The following CNIH3 variants were observed in gnomAD, a reference collection of about 807,000 sequenced individuals.
CNIH3 encodes cornichon family AMPA receptor auxiliary protein 3, also known as protein cornichon homolog 3.
A neutral mutation model predicts 24.1 loss-of-function variants in CNIH3; 14 were observed. The observed-to-expected ratio is 0.58, with a 90% CI of 0.38 to 0.91. CNIH3 has a LOEUF of 0.91. CNIH3 is among the 40% of genes least tolerant of loss of function. The pLI is 0.00. For synonymous variants in CNIH3, 68 were observed against 73.8 expected, an observed-to-expected ratio of 0.92 and a Z score of 0.40; for missense variants, 178 against 196.8, an observed-to-expected ratio of 0.90 and a Z score of 0.57.
Position 224,693,638 on chromosome 1 carries a change from C to T in CNIH3, c.198+8795C>T, listed in dbSNP as rs143244161. On this transcript the variant is annotated intron_variant, in intron 3 of 5. Transcript: ENST00000272133. ...AGAAGCAAGAGAAGAAGTGGAAATG[C>T]GCAAGCACCTTTTCAAGCTTTGGTC... Among the ~76,000 whole-genome samples, 155 of 152,304 alleles carry T rather than the reference C, an allele frequency of 1.0e-3. 1 individual carries two copies. Among genetic ancestry groups the T allele is most frequent in the African/African-American group, 3.5e-3 (147 of 41,574 alleles).
intron 1 of CNIH3, among the ~76,000 whole-genome samples, chr1:224,647,474 G>T (rs1684665944): frequency 6.6e-6 from 1 of 152,246 alleles, no homozygotes; most frequent in Admixed American, 6.5e-5. Flanking sequence ...GGGTGTCGGG[G>T]TGGAGACTGG....
At chr1:224,476,567 A>T (rs4654041) in intron 1 of CNIH3, among the ~76,000 whole-genome samples, 82,471 of 152,096 alleles carry the variant, frequency 0.54, 25,848 homozygotes, top group East Asian at 0.94. Flanking sequence ...CTGAATAGGA[A>T]ATGGGTTAAA....
At chr1:224,680,649 T>C (rs548534778) in intron 1 of CNIH3, among the ~76,000 whole-genome samples, 1 of 152,372 alleles carries the variant, frequency 6.6e-6, no homozygotes, top group South Asian at 2.1e-4. Context: ...GAAGTTTTAA[T>C]TTTTTTGTGC....
chr1:224,534,015 A>G (rs562157258), intron 2 of CNIH3, among the ~76,000 whole-genome samples: 3 of 152,266 alleles, frequency 2.0e-5, no homozygotes, highest in Admixed American at 2.0e-4. Flanking sequence ...AACTACAAAA[A>G]TTAGGTGGGC....
rs141928400 is a variant in CNIH3, at chr1:224,505,594, C to T, written n.204-10147C>T. Among the ~76,000 whole-genome samples, 20 of 152,224 alleles carry T rather than the reference C, an allele frequency of 1.3e-4. No homozygotes were observed. In the East Asian group the frequency reaches 3.1e-3, roughly 24 times the overall value. ...ACCCCTAGGGTAGGTGTAATTATCC[C>T]CATTTTACCCACAAGAAAACTAGGG... On this transcript the variant is annotated intron_variant and non_coding_transcript_variant, in intron 1 of 5. Transcript: ENST00000471578.
At chr1:224,650,933 C>T (rs953228945) in intron 1 of CNIH3, among the ~76,000 whole-genome samples, 1 of 152,060 alleles carries the variant, frequency 6.6e-6, no homozygotes, top group Non-Finnish European at 1.5e-5. Flanking sequence ...AGGTGCTCAG[C>T]GTGGACACTG....
intron 1 of CNIH3, among the ~76,000 whole-genome samples, chr1:224,617,566 C>T (rs2125061603): frequency 6.6e-6 from 1 of 152,384 alleles, no homozygotes; most frequent in African/African-American, 2.4e-5. Context: ...CCGCCCCGTC[C>T]TCTCCTGCCG....
chr1:224,623,825 G>A (rs961346103), intron 1 of CNIH3, among the ~76,000 whole-genome samples: 1 of 152,090 alleles, frequency 6.6e-6, no homozygotes, highest in African/African-American at 2.4e-5. Flanking sequence ...TTCAGCCACT[G>A]CCCTTCGCAG....
intron 3 of CNIH3, among the ~76,000 whole-genome samples, chr1:224,701,615 C>A (rs924780828): frequency 6.6e-6 from 1 of 152,070 alleles, no homozygotes; most frequent in African/African-American, 2.4e-5. Flanking sequence ...ACATTCAGCT[C>A]GCAACAGAGG....
chr1:224,439,072 C>T (rs957396211), intron 1 of CNIH3, among the ~76,000 whole-genome samples: 3 of 152,150 alleles, frequency 2.0e-5, no homozygotes, highest in Admixed American at 6.5e-5. Context: ...TCTGGGCAGA[C>T]GACTCTGAAC....
At chr1:224,674,779 G>A (rs1328957921) in intron 1 of CNIH3, among the ~76,000 whole-genome samples, 1 of 151,930 alleles carries the variant, frequency 6.6e-6, no homozygotes, top group Non-Finnish European at 1.5e-5. Context: ...CTTCTCGGTG[G>A]CTTCCTCTGG....
chr1:224,711,414 G>A (rs1026270148), intron 3 of CNIH3, among the ~76,000 whole-genome samples: 7 of 151,004 alleles, frequency 4.6e-5, no homozygotes, highest in African/African-American at 1.7e-4. Flanking sequence ...TTGAGCTACT[G>A]GGCTCAAGTG....
At chr1:224,726,027 A>C (rs183642153) in intron 3 of CNIH3, among the ~76,000 whole-genome samples, 304 of 152,376 alleles carry the variant, frequency 2.0e-3, no homozygotes, top group African/African-American at 6.6e-3. Context: ...GAGAGGATAC[A>C]TAACTAGAAA....
intron 3 of CNIH3, among the ~76,000 whole-genome samples, chr1:224,607,903 T>C (rs1217020782): frequency 6.6e-6 from 1 of 152,202 alleles, no homozygotes; most frequent in East Asian, 1.9e-4. Flanking sequence ...CCTGAGATTT[T>C]ATTTTCCTTT....
intron 3 of CNIH3, among the ~76,000 whole-genome samples, chr1:224,561,676 C>T (rs1249115415): frequency 6.6e-5 from 10 of 152,226 alleles, no homozygotes; most frequent in Admixed American, 6.5e-4. Flanking sequence ...TTCTTTCCCT[C>T]TTGTCAATGG....
chr1:224,494,545 A>C (rs1441081957), intron 1 of CNIH3, among the ~76,000 whole-genome samples: 1 of 152,172 alleles, frequency 6.6e-6, no homozygotes, highest in Non-Finnish European at 1.5e-5. Flanking sequence ...TTGAGTTCAC[A>C]TTCCTGCCAA....
rs1355093023 is a variant in CNIH3, at chr1:224,484,441, A to AG, written n.204-31300_204-31299insG. Among the ~76,000 whole-genome samples the AG allele has an allele frequency of 4.6e-5, 7 of 152,070 alleles. No individual in the cohort carries two copies. In the East Asian group the frequency reaches 7.7e-4, roughly 17 times the overall value. On this transcript the variant is annotated intron_variant and non_coding_transcript_variant, in intron 1 of 5. Transcript: ENST00000471578. Reference sequence around the variant, plus strand: ...CGAGACTCTGTTTAAAAAAAAAAAAAAGATTTTTCTCTTTATCACCAGTTT... The same window carrying AG: ...CGAGACTCTGTTTAAAAAAAAAAAAAGAGATTTTTCTCTTTATCACCAGTTT...
rs1675770375 is a variant in CNIH3 at position 224,458,480 on chromosome 1, G to A, written n.203+23618G>A. 6.6e-6 allele frequency among the ~76,000 whole-genome samples: 1 copy of A among 152,152 alleles called. No individual in the cohort carries two copies. Among genetic ancestry groups the A allele is most frequent in the African/African-American group, 2.4e-5 (1 of 41,432 alleles). On this transcript the variant is annotated intron_variant and non_coding_transcript_variant, in intron 1 of 5. Transcript: ENST00000471578. The surrounding 1 kb of genome is among the most constrained non-coding windows in gnomAD (Gnocchi z 4.3). ...CCAGCTCCTGACATCAGAGAGAAGG[G>A]CTGGGATTGTGGCCTGCGGTTGGTG...
intron 1 of CNIH3, among the ~76,000 whole-genome samples, chr1:224,501,971 A>AG (rs780400194): frequency 3.3e-5 from 5 of 152,062 alleles, no homozygotes; most frequent in Non-Finnish European, 7.4e-5. Context: ...GGTAGGGTGG[A>AG]GGGGCAGAGG....
Sources: allele counts gnomAD v4.1 joint callset (sites outside exome capture counted in the v4.1 genomes callset), GRCh38; gene constraint gnomAD v4.1.1; non-coding constraint Gnocchi (gnomAD v3.1); transcripts MANE v1.5; gene names NCBI Gene and HGNC (gene_info 2026-07-23, HGNC 2026-07-21).